The following FXYD6 variants were observed in gnomAD, a reference collection of about 807,000 sequenced individuals.
The protein encoded by FXYD6 is FXYD domain-containing ion transport regulator 6.
FXYD6 carries 7 observed loss-of-function variants against 16.7 expected under a neutral mutation model. That is an observed-to-expected ratio of 0.42 (90% CI 0.24 to 0.79). FXYD6 has a LOEUF of 0.79. Ranked by LOEUF, FXYD6 falls within the 30% of genes least tolerant of loss-of-function variation. The pLI is 0.28. For synonymous variants in FXYD6, 49 were observed against 43.0 expected, an observed-to-expected ratio of 1.14 and a Z score of -0.54; for missense variants, 111 against 116.2, an observed-to-expected ratio of 0.95 and a Z score of 0.21.
At chr11:117,838,758 G>A (rs374070129) in intron 7 of FXYD6, 18 of 183,296 alleles carry the variant, frequency 9.8e-5, no homozygotes, top group African/African-American at 3.3e-4. Context: ...TCCAGAAGAC[G>A]GGAGTAATGA....
upstream of FXYD6, chr11:117,877,326 C>A (rs1456129671): frequency 6.6e-6 from 1 of 152,262 alleles, no homozygotes; most frequent in Admixed American, 6.5e-5. Context: ...TGCCTTGAAC[C>A]CCCTTTTCAA....
At position 117,856,675 on chromosome 11, in the gene FXYD6, T is replaced by C. The variant is rs550756899; in HGVS notation, c.-5-13894A>G. 2.6e-5 allele frequency among the ~76,000 whole-genome samples: 4 copies of C among 152,328 alleles called. No individual in the cohort carries two copies. The South Asian group carries it at 8.3e-4, about 32-fold the overall frequency. On this transcript the variant is annotated intron_variant, in intron 1 of 7. Transcript: ENST00000526014. ...TTAGCCTATGACGTATCTAGATCTT[T>C]GCAACCAAGAAGTCTATTAAAAAAA...
chr11:117,842,767 C>G lies in FXYD6; in HGVS notation c.10G>C (p.Val4Leu). 1 of 1,567,236 alleles carries G rather than the reference C, an allele frequency of 6.4e-7. No individual in the cohort carries two copies. Among genetic ancestry groups the G allele is most frequent in the Non-Finnish European group, 8.7e-7 (1 of 1,155,374 alleles). The change falls in exon 2 of 8, where the codon GTG (valine) becomes CTG (leucine). Residue 4 changes from valine (V) to leucine (L), a missense_variant. Physicochemically the swap from Val to Leu is conservative, Grantham distance 32 (BLOSUM62 1). Coordinates refer to ENST00000526014, the MANE Select transcript of FXYD6 (RefSeq NM_022003.4). ...AGCAGGCTGCAGAGGAAGACCAGCA[C>G]CAACTCCATGGCGTCTGGGGACAGA... is the stretch of plus-strand genomic sequence containing the variant. MEL[V>L]LVFLCSLLAP...
chr11:117,877,327 C>T (rs1466072534), upstream of FXYD6: 1 of 152,252 alleles, frequency 6.6e-6, no homozygotes, highest in African/African-American at 2.4e-5. Flanking sequence ...GCCTTGAACC[C>T]CCTTTTCAAG....
chr11:117,862,556 GCT>G (rs2056931070), intron 1 of FXYD6, among the ~76,000 whole-genome samples: 1 of 152,176 alleles, frequency 6.6e-6, no homozygotes, highest in Non-Finnish European at 1.5e-5. Context: ...AGGAGCTGCG[GCT>G]ATCCCAGACC....
chr11:117,860,548 A>G (rs5014622), intron 1 of FXYD6, among the ~76,000 whole-genome samples: 72,871 of 151,990 alleles, frequency 0.48, 18,226 homozygotes, highest in East Asian at 0.73. Context: ...TCACTTGTTG[A>G]ACAGAGAGCT....
At chr11:117,848,990 G>C (rs999948060) in intron 1 of FXYD6, among the ~76,000 whole-genome samples, 1 of 151,698 alleles carries the variant, frequency 6.6e-6, no homozygotes, top group African/African-American at 2.4e-5. Context: ...ACAATCTCTG[G>C]GTTTCTTCTA....
intron 1 of FXYD6, among the ~76,000 whole-genome samples, chr11:117,857,222 C>T (rs1289609039): frequency 6.6e-6 from 1 of 152,152 alleles, no homozygotes; most frequent in Non-Finnish European, 1.5e-5. Context: ...GGCCCAAATG[C>T]TCACTCTCTC....
chr11:117,840,212 G>T, intron 6 of FXYD6, 107 bp downstream of exon 6: 1 of 1,475,808 alleles, frequency 6.8e-7, no homozygotes, highest in East Asian at 2.3e-5. Context: ...TGGCACTGCG[G>T]GAGCATGTCT....
intron 1 of FXYD6, among the ~76,000 whole-genome samples, chr11:117,860,977 C>G (rs1045989605): frequency 6.6e-6 from 1 of 152,204 alleles, no homozygotes; most frequent in East Asian, 1.9e-4. Context: ...TCCCAAGCAA[C>G]CTGGCTCCAG....
At chr11:117,866,364 A>G (rs2057014353) in intron 1 of FXYD6, among the ~76,000 whole-genome samples, 1 of 152,196 alleles carries the variant, frequency 6.6e-6, no homozygotes, top group Non-Finnish European at 1.5e-5. Context: ...GGGAAAAAAC[A>G]TGTTGACCCT....
chr11:117,837,005 CT>C lies in FXYD6; in HGVS notation c.*1293del, dbSNP rs1230731742. ...CTAGGAAACAAAGGATATTTTATTC[CT>C]TTTTTCTGTTGTTGTTGAGGATAGA... On this transcript the variant is annotated 3_prime_UTR_variant, in exon 8 of 8. Transcript: ENST00000526014. The surrounding 1 kb of genome is among the most constrained non-coding windows in gnomAD (Gnocchi z 4.4). 1.3e-5 allele frequency: 2 copies of C among 152,198 alleles called. No homozygotes were observed. Among genetic ancestry groups the C allele is most frequent in the Non-Finnish European group, 2.9e-5 (2 of 68,048 alleles). 9.4% of individuals were successfully genotyped at this position (152,198 alleles called of 1,614,324 possible).
chr11:117,844,429 C>T (rs768921891), intron 1 of FXYD6, among the ~76,000 whole-genome samples: 1 of 152,132 alleles, frequency 6.6e-6, no homozygotes, highest in African/African-American at 2.4e-5. Context: ...TTTCCCTCCA[C>T]CCCATCCCCC....
At chr11:117,857,677 A>G (rs928156840) in intron 1 of FXYD6, among the ~76,000 whole-genome samples, 5 of 152,118 alleles carry the variant, frequency 3.3e-5, no homozygotes, top group Non-Finnish European at 7.4e-5. Context: ...AAAGTGCTGG[A>G]ATTACAGGCA....
chr11:117,838,217 G>T lies in FXYD6; in HGVS notation c.*82C>A. On this transcript the variant is annotated 3_prime_UTR_variant, in exon 8 of 8. Transcript: ENST00000526014. Reference sequence around the variant, plus strand: ...GAAAGGGCTGTTGCTGAAGTGGCCGGTTTTCTTAAGCATCGACATTTGCAT... The same window carrying T: ...GAAAGGGCTGTTGCTGAAGTGGCCGTTTTTCTTAAGCATCGACATTTGCAT... 1 of 702,548 alleles carries T rather than the reference G, an allele frequency of 1.4e-6. No individual in the cohort carries two copies. The highest frequency in any genetic ancestry group is 2.6e-6 in the Non-Finnish European group (1 of 384,986). 43.5% of individuals were successfully genotyped at this position (702,548 alleles called of 1,614,324 possible). A position where few individuals can be genotyped will look rare whatever the true frequency, so the allele number is the denominator to read the frequency against.
At chr11:117,845,671 G>C (rs10892185) in intron 1 of FXYD6, among the ~76,000 whole-genome samples, 32,187 of 152,108 alleles carry the variant, frequency 0.21, 4,456 homozygotes, top group Admixed American at 0.36. Context: ...ATTACAAATA[G>C]AGTTGTGGAC....
At position 117,841,983 on chromosome 11, in the gene FXYD6, C is replaced by T. The variant is rs375201868; in HGVS notation, c.97+7G>A. Reference sequence around the variant, plus strand: ...TGACCCCTGCACCCAGGGTTGCCATCGCTCACCATAATGAAAAGGGTCCAT... The same window carrying T: ...TGACCCCTGCACCCAGGGTTGCCATTGCTCACCATAATGAAAAGGGTCCAT... On this transcript the variant is annotated splice_region_variant and intron_variant, in intron 3 of 7. Transcript: ENST00000526014. 27 of 1,614,164 alleles carry T rather than the reference C, an allele frequency of 1.7e-5. No individual in the cohort carries two copies. Among genetic ancestry groups the T allele is most frequent in the Middle Eastern group, 3.3e-4 (2 of 6,062 alleles).
chr11:117,870,554 C>T lies in FXYD6; in HGVS notation c.-6+6038G>A, dbSNP rs1198691772. ...CAGCCCCCTTTGCTCTCTCTGCCTA[C>T]CTCTTTAGAAGGACAGCTCTGGCCT... On this transcript the variant is annotated intron_variant, in intron 1 of 7. Coordinates refer to ENST00000526014, the MANE Select transcript of FXYD6 (RefSeq NM_022003.4). This position sits in a 1 kb window ranked among gnomAD's most constrained non-coding sequence, Gnocchi z 4.2. 2.0e-5 allele frequency among the ~76,000 whole-genome samples: 3 copies of T among 152,238 alleles called. No homozygotes were observed. The highest frequency in any genetic ancestry group is 7.2e-5 in the African/African-American group (3 of 41,460).
At position 117,838,041 on chromosome 11, in the gene FXYD6, T is replaced by TCACACACACACACACACA. The variant is rs57385031; in HGVS notation, c.*240_*257dup. On this transcript the variant is annotated 3_prime_UTR_variant, in exon 8 of 8. Transcript: ENST00000526014. ...GACCACAGTTAGCAAACACACACAG[T>TCACACACACACACACACA]CACACACACACACACACACACACAC... 17 of 591,118 alleles carry TCACACACACACACACACA rather than the reference T, an allele frequency of 2.9e-5. No homozygotes were observed. The East Asian group carries it at 4.9e-4, about 17-fold the overall frequency. The allele number at this position is 591,118 out of a possible 1,614,324, so 36.6% of individuals were successfully genotyped here. A position where few individuals can be genotyped will look rare whatever the true frequency, so the allele number is the denominator to read the frequency against.
Sources: gnomAD v4.1 joint callset for allele counts (sites outside exome capture counted in the v4.1 genomes callset) on GRCh38, gnomAD v4.1.1 for gene constraint, Gnocchi (gnomAD v3.1) non-coding constraint, MANE v1.5 for transcripts, NCBI Gene and HGNC (gene_info 2026-07-23, HGNC 2026-07-21) for gene names.